Variants in EFCAB13 observed in about 807,000 individuals in gnomAD.
The protein encoded by EFCAB13 is EF-hand calcium-binding domain-containing protein 13.
In EFCAB13, 91 loss-of-function variants were observed where a neutral mutation model predicts 110.2. That is an observed-to-expected ratio of 0.83 (90% CI 0.70 to 0.98). The LOEUF is 0.98. Among genes scored for constraint, EFCAB13 ranks in the 50% least tolerant of loss-of-function variants. The pLI is 0.00. For synonymous variants in EFCAB13, 323 were observed against 369.9 expected, an observed-to-expected ratio of 0.87 and a Z score of 1.45; for missense variants, 968 against 1,119.4, an observed-to-expected ratio of 0.86 and a Z score of 1.93.
At chr17:47,340,988 T>C (rs983784034) in intron 5 of EFCAB13, among the ~76,000 whole-genome samples, 4 of 152,006 alleles carry the variant, frequency 2.6e-5, no homozygotes, top group Admixed American at 2.6e-4. Flanking sequence ...TTGGACATTA[T>C]GTGCTTCCTG....
At position 47,402,135 on chromosome 17, in the gene EFCAB13, G is replaced by T; in HGVS notation, c.1949G>T (p.Gly650Val). ...TTAAAAGTGTTTTTTCTCACAGAAG[G>T]TGACAAAGTACAATTTGAAGAATTT... The part of the protein sequence containing the change: ...AALELVTVDE[G>V]DKVQFEEFAK... The change falls in exon 18 of 25, where the codon GGT becomes GTT. Residue 650 changes from glycine (G) to valine (V), a missense_variant. Gly to Val is a moderately radical substitution (Grantham distance 109). Transcript: ENST00000331493. 3.1e-6 allele frequency: 5 copies of T among 1,613,890 alleles called. No individual in the cohort carries two copies. In the South Asian group the frequency reaches 3.3e-5, roughly 11 times the overall value.
In EFCAB13 at chr17:47,409,583, T is replaced by G. The variant is rs549298018; in HGVS notation, c.2234-64T>G. ...GTATTCAATCTATCCATTGGTTTCC[T>G]TTCAAACAGGGTAAGATCAGGATGC... On this transcript the variant is annotated intron_variant, in intron 20 of 24. Transcript: ENST00000331493. 36 of 1,292,272 alleles carry G rather than the reference T, an allele frequency of 2.8e-5. No individual in the cohort carries two copies. In the Admixed American group the frequency reaches 6.1e-4, roughly 22 times the overall value. 80.1% of individuals were successfully genotyped at this position (1,292,272 alleles called of 1,614,324 possible).
chr17:47,364,294 A>G (rs1470391168), intron 10 of EFCAB13, among the ~76,000 whole-genome samples: 2 of 152,032 alleles, frequency 1.3e-5, no homozygotes, highest in African/African-American at 4.8e-5. Flanking sequence ...TTTTCTATAT[A>G]TAAGATAGAT....
chr17:47,388,327 T>C (rs1407610181), intron 14 of EFCAB13, among the ~76,000 whole-genome samples: 1 of 152,138 alleles, frequency 6.6e-6, no homozygotes, highest in Non-Finnish European at 1.5e-5. Flanking sequence ...ACCTGGCAGT[T>C]TGGGGGAGGG....
Position 47,440,503 on chromosome 17 carries a change from G to T in EFCAB13, c.2711G>T (p.Gly904Val). 1 of 1,611,616 alleles carries T rather than the reference G, an allele frequency of 6.2e-7. No individual in the cohort carries two copies. The highest frequency in any genetic ancestry group is 8.5e-7 in the Non-Finnish European group (1 of 1,179,208). The change falls in exon 25 of 25, where the codon GGT becomes GTT. Residue 904 changes from glycine to valine, a missense_variant. Coordinates refer to ENST00000331493, the MANE Select transcript of EFCAB13 (RefSeq NM_152347.5). ...ATATTGACAATTCCTAAAGCTGCAGGTAAGTTTTATTTAATATGTACTTAT... is the reference window on the plus strand; with the variant it reads ...ATATTGACAATTCCTAAAGCTGCAGTTAAGTTTTATTTAATATGTACTTAT... ...SDILTIPKAA[G>V]KFYLICTYCP...
intron 9 of EFCAB13, among the ~76,000 whole-genome samples, chr17:47,354,389 AT>A (rs534670489): frequency 1.3e-5 from 2 of 151,922 alleles, no homozygotes; most frequent in East Asian, 1.9e-4. Context: ...TGTTAGATCA[AT>A]TTTTTTTAGA....
Position 47,440,847 on chromosome 17 carries a change from T to C in EFCAB13, c.*133T>C. 1.4e-6 allele frequency: 1 copy of C among 702,460 alleles called. No homozygotes were observed. Among genetic ancestry groups the C allele is most frequent in the South Asian group, 2.6e-5 (1 of 37,816 alleles). 43.5% of individuals were successfully genotyped at this position (702,460 alleles called of 1,614,324 possible). On this transcript the variant is annotated 3_prime_UTR_variant, in exon 25 of 25. Transcript: ENST00000331493. ...CCAGTAGAATTTTTATCACTATCTG[T>C]TATGTTCTCATGTATCTTCAGCGAC... is the stretch of plus-strand genomic sequence containing the variant.
At position 47,382,240 on chromosome 17, in the gene EFCAB13, C is replaced by A. The variant is rs138766806; in HGVS notation, c.1582+2987C>A. 6.4e-3 allele frequency among the ~76,000 whole-genome samples: 970 copies of A among 152,256 alleles called. 7 individuals are homozygous for A. Among genetic ancestry groups the A allele is most frequent in the African/African-American group, 0.019 (796 of 41,532 alleles). On this transcript the variant is annotated intron_variant, in intron 14 of 24. Coordinates refer to ENST00000331493, the MANE Select transcript of EFCAB13 (RefSeq NM_152347.5). ...AGACCTTGCTGAAGTTGTTTATCAGCTTAAGGAGATTTTGGGCTGAGACGA... is the reference window on the plus strand; with the variant it reads ...AGACCTTGCTGAAGTTGTTTATCAGATTAAGGAGATTTTGGGCTGAGACGA...
chr17:47,341,361 T>C (rs2065383652), intron 5 of EFCAB13: 1 of 152,818 alleles, frequency 6.5e-6, no homozygotes, highest in Non-Finnish European at 1.5e-5. Flanking sequence ...AGCTGTCATA[T>C]GGTGTTTTTT....
At chr17:47,366,584 T>C (rs932127455) in intron 10 of EFCAB13, among the ~76,000 whole-genome samples, 1 of 152,096 alleles carries the variant, frequency 6.6e-6, no homozygotes, top group African/African-American at 2.4e-5. Flanking sequence ...TACCTTAGAG[T>C]AGGAGGCTGT....
chr17:47,410,715 G>C (rs934706853), intron 21 of EFCAB13, among the ~76,000 whole-genome samples: 4 of 152,132 alleles, frequency 2.6e-5, no homozygotes, highest in Non-Finnish European at 4.4e-5. Flanking sequence ...ATTCCAAGAG[G>C]GAGAAATGAG....
chr17:47,375,476 A>G (rs2065610023), intron 12 of EFCAB13, among the ~76,000 whole-genome samples: 1 of 145,874 alleles, frequency 6.9e-6, no homozygotes, highest in South Asian at 2.3e-4. Context: ...TTTTTTTTTC[A>G]TAGAGACGGG....
At chr17:47,412,191 C>T (rs1003843051) in intron 21 of EFCAB13, among the ~76,000 whole-genome samples, 8 of 152,168 alleles carry the variant, frequency 5.3e-5, no homozygotes, top group African/African-American at 1.7e-4. Context: ...AGGACTGCCC[C>T]GTTTGGTTAT....
At chr17:47,416,169 C>T (rs1254549432) in intron 23 of EFCAB13, among the ~76,000 whole-genome samples, 2 of 151,990 alleles carry the variant, frequency 1.3e-5, no homozygotes, top group Non-Finnish European at 2.9e-5. Flanking sequence ...TTAAAGTGTA[C>T]CATTCAGTGA....
chr17:47,393,877 C>T (rs908551686), intron 15 of EFCAB13, 148 bp from the exon 16 acceptor site: 35 of 358,784 alleles, frequency 9.8e-5, no homozygotes, highest in Non-Finnish European at 1.6e-4. Flanking sequence ...TTTGCTTTTC[C>T]CCTTTATACC....
At chr17:47,425,741 TGTC>T (rs1904929361) in intron 23 of EFCAB13, among the ~76,000 whole-genome samples, 1 of 152,194 alleles carries the variant, frequency 6.6e-6, no homozygotes, top group African/African-American at 2.4e-5. Context: ...TAGATGAAAT[TGTC>T]GGCATGCCTG....
chr17:47,338,088 A>G (rs1017311136), intron 5 of EFCAB13, among the ~76,000 whole-genome samples: 1 of 152,160 alleles, frequency 6.6e-6, no homozygotes, highest in Non-Finnish European at 1.5e-5. Context: ...GAAAGATCAA[A>G]AGTCATGTAA....
intron 14 of EFCAB13, among the ~76,000 whole-genome samples, chr17:47,389,304 G>A (rs2065693139): frequency 6.6e-6 from 1 of 152,218 alleles, no homozygotes; most frequent in African/African-American, 2.4e-5. Context: ...TGAAAATGCT[G>A]AGATGGCAGG....
chr17:47,371,062 GTTTTTTTTTTTT>G (rs779767798), intron 11 of EFCAB13, among the ~76,000 whole-genome samples: 1 of 108,994 alleles, frequency 9.2e-6, no homozygotes, highest in African/African-American at 3.7e-5. Flanking sequence ...TTTAATGGTT[GTTTTTTTTTTTT>G]TTTTTTTTTA....
Sources: allele counts gnomAD v4.1 joint callset (sites outside exome capture counted in the v4.1 genomes callset), GRCh38; gene constraint gnomAD v4.1.1; transcripts MANE v1.5; gene names NCBI Gene and HGNC (gene_info 2026-07-23, HGNC 2026-07-21).